OR51L1: variants seen among roughly 807,000 people sequenced by gnomAD.
OR51L1 encodes the protein olfactory receptor 51L1.
A neutral mutation model predicts 1.4 loss-of-function variants in OR51L1; 1 was observed. The ratio of observed to expected loss-of-function variants is 0.72; its 90% CI spans 0.26 to 3.42. The LOEUF (loss-of-function observed/expected upper bound fraction) is 3.42. OR51L1 is among the 30% of genes most tolerant of loss of function. The pLI is 0.20. For missense variants in OR51L1, 378 were observed against 380.0 expected, an observed-to-expected ratio of 0.99 and a Z score of 0.04; for synonymous variants, 156 against 144.2, an observed-to-expected ratio of 1.08 and a Z score of -0.59.
Position 4,999,060 on chromosome 11 carries a change from T to A in OR51L1, c.78T>A (p.His26Gln). 1 of 1,614,146 alleles carries A rather than the reference T, an allele frequency of 6.2e-7. No individual in the cohort carries two copies. Among genetic ancestry groups the A allele is most frequent in the Non-Finnish European group, 8.5e-7 (1 of 1,179,972 alleles). ...GTTTTCCTGGACTGGAGTATGTTCA[T>A]TCTTGGCTCTCCATCCTCTTCTGTC... ...LRGFPGLEYV[H>Q]SWLSILFCLA... The change falls in exon 3 of 3, where the codon CAT (histidine) becomes CAA (glutamine). Residue 26 changes from histidine (H) to glutamine (Q), a missense_variant. By Grantham distance (24) the His-to-Gln change is conservative (BLOSUM62 0). Transcript: ENST00000641819.
chr11:4,996,206 G>T (rs1847067224), intron 1 of OR51L1, among the ~76,000 whole-genome samples: 1 of 152,086 alleles, frequency 6.6e-6, no homozygotes, highest in Admixed American at 6.6e-5. Flanking sequence ...TTTGCCAAGA[G>T]AGTAGAGCTT....
rs1337134683 is a variant in OR51L1 at position 4,995,129 on chromosome 11, A to T, written c.-468A>T. 5 of 152,116 alleles carry T rather than the reference A, an allele frequency of 3.3e-5. No individual in the cohort carries two copies. Among genetic ancestry groups the T allele is most frequent in the Admixed American group, 3.3e-4 (5 of 15,254 alleles). The allele number at this position is 152,116 out of a possible 1,614,324, so 9.4% of individuals were successfully genotyped here. On this transcript the variant is annotated 5_prime_UTR_variant, in exon 1 of 3. Transcript: ENST00000641819. Reference sequence around the variant, plus strand: ...GGCAGCAGGAAGGAGGCTAGAAAAGATAGTAAAGATAATTTGACACATAAA... The same window carrying T: ...GGCAGCAGGAAGGAGGCTAGAAAAGTTAGTAAAGATAATTTGACACATAAA...
At chr11:4,998,194 AACACACACACACACACACACACAC>A (rs3066001) in intron 2 of OR51L1, among the ~76,000 whole-genome samples, 8 of 145,786 alleles carry the variant, frequency 5.5e-5, no homozygotes, top group Admixed American at 2.1e-4. Flanking sequence ...TTATTTCACA[AACACACACACACACACACACACAC>A]ACACACACAC....
rs903408717 is a variant in OR51L1, at chr11:5,004,085, A to G, written c.*4155A>G. 5 of 152,168 alleles carry G rather than the reference A, an allele frequency of 3.3e-5. No homozygotes were observed. The highest frequency in any genetic ancestry group is 5.9e-5 in the Non-Finnish European group (4 of 68,036). 9.4% of individuals were successfully genotyped at this position (152,168 alleles called of 1,614,324 possible). On this transcript the variant is annotated 3_prime_UTR_variant, in exon 3 of 3. Coordinates refer to ENST00000641819, the MANE Select transcript of OR51L1 (RefSeq NM_001004755.2). ...AAGACAACGCTGAGTAATACCCTAG[A>G]GCTAAGAGAGAATATTGAAAGAAAA...
rs2133661328 is a variant in OR51L1 at position 4,999,492 on chromosome 11, C to G, written c.510C>G (p.Tyr170Ter). The G allele has an allele frequency of 3.1e-6, 5 of 1,614,134 alleles. No individual in the cohort carries two copies. The highest frequency in any genetic ancestry group is 1.6e-4 in the Middle Eastern group (1 of 6,062). ...PTPLLLRHYHYCHGNALSHAF... is the reference protein window; with the variant it reads ...PTPLLLRHYH The stretch of plus-strand genomic sequence containing the variant: ...CTTTGCTACTGAGACACTATCACTA[C>G]TGCCATGGCAATGCCCTCTCTCACG... The change falls in exon 3 of 3, where the codon TAC becomes TAG. Residue 170 changes from tyrosine to a stop codon, truncating the protein, a stop_gained. Coordinates refer to ENST00000641819, the MANE Select transcript of OR51L1 (RefSeq NM_001004755.2). LOFTEE classifies it low-confidence loss of function (END_TRUNC).
In OR51L1 at chr11:4,999,439, C is replaced by A. The variant is rs375861466; in HGVS notation, c.457C>A (p.Arg153=). 6.2e-7 allele frequency: 1 copy of A among 1,614,148 alleles called. No individual in the cohort carries two copies. Among genetic ancestry groups the A allele is most frequent in the Non-Finnish European group, 8.5e-7 (1 of 1,180,026 alleles). Residue 153 remains arginine, a synonymous_variant, in exon 3 of 3, where the codon CGA becomes AGA. Transcript: ENST00000641819. ...CAAAATTGGTTTGGCCTGTTTGCTA[C>A]GAAGCTTGGGAGTTGTACTTCCCAC... ...IGKIGLACLL[R]SLGVVLPTPL...
chr11:4,999,069 C>A lies in OR51L1; in HGVS notation c.87C>A (p.Leu29=), dbSNP rs766346263. The change falls in exon 3 of 3, where the codon CTC becomes CTA. Residue 29 remains leucine (L), a synonymous_variant. Coordinates refer to ENST00000641819, the MANE Select transcript of OR51L1 (RefSeq NM_001004755.2). ...GACTGGAGTATGTTCATTCTTGGCT[C>A]TCCATCCTCTTCTGTCTTGCATATT... is the stretch of plus-strand genomic sequence containing the variant. ...FPGLEYVHSW[L]SILFCLAYLV... The A allele has an allele frequency of 6.2e-6, 10 of 1,614,122 alleles. No individual in the cohort carries two copies. The Admixed American group carries it at 1.5e-4, about 24-fold the overall frequency.
In OR51L1 at chr11:4,999,516, C is replaced by A; in HGVS notation, c.534C>A (p.His178Gln). 6.2e-7 allele frequency: 1 copy of A among 1,614,010 alleles called. No homozygotes were observed. The highest frequency in any genetic ancestry group is 1.1e-5 in the South Asian group (1 of 91,076). ...YHYCHGNALS[H>Q]AFCLHQDVLR... Reference sequence around the variant, plus strand: ...ACTGCCATGGCAATGCCCTCTCTCACGCCTTCTGTTTGCACCAGGATGTTC... The same window carrying A: ...ACTGCCATGGCAATGCCCTCTCTCAAGCCTTCTGTTTGCACCAGGATGTTC... The change falls in exon 3 of 3, where the codon CAC becomes CAA. Residue 178 changes from histidine (H) to glutamine (Q), a missense_variant. Transcript: ENST00000641819.
Position 4,999,053 on chromosome 11 carries a change from A to T in OR51L1, c.71A>T (p.Tyr24Phe), listed in dbSNP as rs764970849. The T allele has an allele frequency of 1.9e-6, 3 of 1,614,082 alleles. No individual in the cohort carries two copies. The South Asian group carries it at 3.3e-5, about 18-fold the overall frequency. Residue 24 changes from tyrosine (Y) to phenylalanine (F), a missense_variant, in exon 3 of 3, where the codon TAT becomes TTT. Transcript: ENST00000641819. ...CTGAGGGGTTTTCCTGGACTGGAGTATGTTCATTCTTGGCTCTCCATCCTC... is the reference window on the plus strand; with the variant it reads ...CTGAGGGGTTTTCCTGGACTGGAGTTTGTTCATTCTTGGCTCTCCATCCTC... ...FILRGFPGLE[Y>F]VHSWLSILFC...
At position 4,999,916 on chromosome 11, in the gene OR51L1, A is replaced by G; in HGVS notation, c.934A>G (p.Arg312Gly). ...AGGAATTCTCCACAAGTTTGTCCTAAGGAGGAGGTTTTAAGTAACCTCTGT... is the reference window on the plus strand; with the variant it reads ...AGGAATTCTCCACAAGTTTGTCCTAGGGAGGAGGTTTTAAGTAACCTCTGT... ...RLGILHKFVLRRRF is the reference protein window; with the variant it reads ...RLGILHKFVLGRRF The change falls in exon 3 of 3, where the codon AGG becomes GGG. Residue 312 changes from arginine to glycine, a missense_variant. By Grantham distance (125) the Arg-to-Gly change is moderately radical. Transcript: ENST00000641819. 1 of 1,608,700 alleles carries G rather than the reference A, an allele frequency of 6.2e-7. No homozygotes were observed. Among genetic ancestry groups the G allele is most frequent in the Non-Finnish European group, 8.5e-7 (1 of 1,176,856 alleles).
rs1377198090 is a variant in OR51L1 at position 4,999,259 on chromosome 11, G to C, written c.277G>C (p.Glu93Gln). The C allele has an allele frequency of 3.7e-6, 6 of 1,614,028 alleles. No individual in the cohort carries two copies. The Admixed American group carries it at 5.0e-5, about 13-fold the overall frequency. ...MLAVLWLDAP[E>Q]IQASACYAQL... ...TGCTGTGTTATGGTTGGATGCTCCA[G>C]AGATCCAGGCAAGTGCTTGCTATGC... is the stretch of plus-strand genomic sequence containing the variant. Residue 93 changes from glutamate (E) to glutamine (Q), a missense_variant, in exon 3 of 3, where the codon GAG becomes CAG. Coordinates refer to ENST00000641819, the MANE Select transcript of OR51L1 (RefSeq NM_001004755.2).
At position 5,000,320 on chromosome 11, in the gene OR51L1, T is replaced by A. The variant is rs1428308177; in HGVS notation, c.*390T>A. 1 of 166,476 alleles carries A rather than the reference T, an allele frequency of 6.0e-6. No individual in the cohort carries two copies. Among genetic ancestry groups the A allele is most frequent in the Non-Finnish European group, 1.3e-5 (1 of 76,224 alleles). The allele number at this position is 166,476 out of a possible 1,614,324, so 10.3% of individuals were successfully genotyped here. On this transcript the variant is annotated 3_prime_UTR_variant, in exon 3 of 3. Transcript: ENST00000641819. ...TATCTAAAACTCAGAAATCAATCTC[T>A]ATCTCTTTTACTAGTACTGCTGCAC...
intron 2 of OR51L1, 131 bp from the exon 3 acceptor site, chr11:4,998,693 G>T: frequency 1.3e-5 from 4 of 308,718 alleles, no homozygotes; most frequent in East Asian, 5.4e-5. Flanking sequence ...CTATTCTCAC[G>T]TTGCTTAAAT....
At chr11:4,995,560 G>A (rs1847060799) in intron 1 of OR51L1, among the ~76,000 whole-genome samples, 1 of 151,602 alleles carries the variant, frequency 6.6e-6, no homozygotes, top group South Asian at 2.1e-4. Flanking sequence ...AAGCTGATTA[G>A]CAGAGAATAG....
At chr11:4,996,692 T>TTC (rs1847071766) in intron 1 of OR51L1, among the ~76,000 whole-genome samples, 2 of 137,400 alleles carry the variant, frequency 1.5e-5, no homozygotes, top group Non-Finnish European at 3.2e-5. Context: ...TCTTTCTTTT[T>TTC]CTTTCTTTTC....
chr11:4,996,131 C>CAA (rs1456249973), intron 1 of OR51L1, among the ~76,000 whole-genome samples: 2 of 152,096 alleles, frequency 1.3e-5, no homozygotes, highest in South Asian at 2.1e-4. Context: ...AATGGGGACT[C>CAA]TTTTTAAGTG....
At chr11:4,996,741 CTTTCT>C (rs1564822246) in intron 1 of OR51L1, among the ~76,000 whole-genome samples, 2 of 132,316 alleles carry the variant, frequency 1.5e-5, no homozygotes, top group African/African-American at 5.6e-5. Flanking sequence ...TTCTTTCTTT[CTTTCT>C]TTCTTTCTTT....
chr11:4,998,827 C>A lies in OR51L1; in HGVS notation c.-156C>A. 1.3e-6 allele frequency: 1 copy of A among 772,574 alleles called. No individual in the cohort carries two copies. The highest frequency in any genetic ancestry group is 2.0e-6 in the Non-Finnish European group (1 of 491,018). 47.9% of individuals were successfully genotyped at this position (772,574 alleles called of 1,614,324 possible). A position where few individuals can be genotyped will look rare whatever the true frequency, so the allele number is the denominator to read the frequency against. On this transcript the variant is annotated 5_prime_UTR_variant, in exon 3 of 3. Transcript: ENST00000641819. ...TTGGGAAATGTTTTTTACATAGGGC[C>A]GACAAGAGATACCAGCTTCCTTCCT...
chr11:5,001,698 T>C lies in OR51L1; in HGVS notation c.*1768T>C, dbSNP rs539212625. The stretch of plus-strand genomic sequence containing the variant: ...ATGGGTGATATTTTATTATTTCATA[T>C]AAATTCACTTTCTTTTCAGCTGTAT... On this transcript the variant is annotated 3_prime_UTR_variant, in exon 3 of 3. Coordinates refer to ENST00000641819, the MANE Select transcript of OR51L1 (RefSeq NM_001004755.2). 3.0e-4 allele frequency: 46 copies of C among 152,358 alleles called. No homozygotes were observed. The highest frequency in any genetic ancestry group is 1.0e-3 in the African/African-American group (43 of 41,594). The allele number at this position is 152,358 out of a possible 1,614,324, so 9.4% of individuals were successfully genotyped here. A position where few individuals can be genotyped will look rare whatever the true frequency, so the allele number is the denominator to read the frequency against.
Sources: gnomAD v4.1 joint callset for allele counts (sites outside exome capture counted in the v4.1 genomes callset) on GRCh38, gnomAD v4.1.1 for gene constraint, MANE v1.5 for transcripts, NCBI Gene and HGNC (gene_info 2026-07-23, HGNC 2026-07-21) for gene names.